The following ADAM22 variants were observed in gnomAD, a reference collection of about 807,000 sequenced individuals.
ADAM22 encodes the protein disintegrin and metalloproteinase domain-containing protein 22.
ADAM22 carries 65 observed loss-of-function variants against 144.6 expected under a neutral mutation model. The ratio of observed to expected loss-of-function variants is 0.45; its 90% confidence interval spans 0.37 to 0.55. The LOEUF (loss-of-function observed/expected upper bound fraction) is 0.55, where lower values mean the gene tolerates loss of function less well. Ranked by LOEUF, ADAM22 falls within the 20% of genes least tolerant of loss-of-function variation. The pLI is 0.00. For synonymous variants in ADAM22, 391 were observed against 412.6 expected (o/e 0.95, Z 0.63); for missense variants, 974 against 1,184.9 (o/e 0.82, Z 2.61).
At chr7:88,080,596 G>A (rs1203975106) in intron 4 of ADAM22, among the ~76,000 whole-genome samples, 8 of 151,912 alleles carry the variant, frequency 5.3e-5, no homozygotes, top group Non-Finnish European at 7.4e-5. Context: ...TTGATAGACC[G>A]TTAGCAAGAC....
chr7:87,991,579 G>A (rs536653632), intron 3 of ADAM22, among the ~76,000 whole-genome samples: 66 of 150,764 alleles, frequency 4.4e-4, no homozygotes, highest in Non-Finnish European at 6.8e-4. Flanking sequence ...TGTTAGCCAG[G>A]ATGGTCTCGA....
rs753484733 is a variant in ADAM22 at position 88,143,088 on chromosome 7, G to A, written c.1283G>A (p.Ser428Asn). The A allele has an allele frequency of 6.2e-7, 1 of 1,612,586 alleles. No individual in the cohort carries two copies. Among genetic ancestry groups the A allele is most frequent in the African/African-American group, 1.3e-5 (1 of 74,860 alleles). ...GAAGAGTATCATGACTTCCTGAATA[G>A]TGGAGGTGGTGCCTGCCTTTTCAAC... The part of the protein sequence containing the change: ...NIEEYHDFLN[S>N]GGGACLFNKP... Residue 428 changes from serine to asparagine, a missense_variant, in exon 15 of 32, where the codon AGT becomes AAT. This residue lies in a region of ADAM22 where 734 missense variants were observed against 950.6 expected (regional missense o/e 0.77). Coordinates refer to ENST00000413139, the MANE Select transcript of ADAM22 (RefSeq NM_001324418.2).
Position 88,132,956 on chromosome 7 carries a change from G to A in ADAM22, c.1077+5G>A. ...AAAGGAGGAGGCGTGAATGAAGTAG[G>A]TGTGAACATCTGTACAATACAAAGT... On this transcript the variant is annotated splice_donor_5th_base_variant and intron_variant, in intron 12 of 31. Coordinates refer to ENST00000413139, the MANE Select transcript of ADAM22 (RefSeq NM_001324418.2). 6.2e-7 allele frequency: 1 copy of A among 1,613,436 alleles called. No homozygotes were observed. Among genetic ancestry groups the A allele is most frequent in the Non-Finnish European group, 8.5e-7 (1 of 1,179,438 alleles).
intron 2 of ADAM22, among the ~76,000 whole-genome samples, chr7:87,943,095 G>T (rs1842789621): frequency 6.7e-6 from 1 of 149,898 alleles, no homozygotes; most frequent in Non-Finnish European, 1.5e-5. Flanking sequence ...AAAAAATAAG[G>T]ATTAGTATTT....
chr7:88,128,764 A>G (rs1831054958), intron 9 of ADAM22, 88 bp downstream of exon 9: 5 of 1,040,072 alleles, frequency 4.8e-6, no homozygotes, highest in South Asian at 4.3e-5. Context: ...CAAGAAGCCC[A>G]TCAAGTTGTA....
At chr7:88,113,099 G>A (rs1826481308) in intron 5 of ADAM22, among the ~76,000 whole-genome samples, 1 of 141,124 alleles carries the variant, frequency 7.1e-6, no homozygotes. Context: ...AGTTCTTTCT[G>A]CATCCCCCCT....
In ADAM22 at chr7:88,053,577, AAGG is replaced by A. The variant is rs1419520667; in HGVS notation, c.324-22047_324-22045del. Among the ~76,000 whole-genome samples, 145 of 112,482 alleles carry A rather than the reference AAGG, an allele frequency of 1.3e-3. 1 individual carries two copies. The highest frequency in any genetic ancestry group is 5.2e-3 in the African/African-American group (141 of 27,376). The allele number at this position is 112,482 out of a possible 152,430, so 73.8% of individuals were successfully genotyped here. On this transcript the variant is annotated intron_variant, in intron 3 of 31. Coordinates refer to ENST00000413139, the MANE Select transcript of ADAM22 (RefSeq NM_001324418.2). ...GAAAGAAAGAAAGAAGGAAGGAGGAAAGGAAGGAAGGAAGGAAAGAAAGAAAGA... is the reference window on the plus strand; with the variant it reads ...GAAAGAAAGAAAGAAGGAAGGAGGAAAAGGAAGGAAGGAAAGAAAGAAAGA...
At chr7:88,101,337 AG>A (rs565702714) in intron 4 of ADAM22, among the ~76,000 whole-genome samples, 21 of 152,170 alleles carry the variant, frequency 1.4e-4, no homozygotes, top group Admixed American at 1.2e-3. Context: ...GTGCCCATGG[AG>A]GGGGAGAAGG....
chr7:87,974,328 T>G (rs1322181951), intron 2 of ADAM22, among the ~76,000 whole-genome samples: 21 of 145,334 alleles, frequency 1.4e-4, no homozygotes, highest in Admixed American at 2.0e-4. Context: ...AGAAAAAAAA[T>G]AAAAGAAAAG....
intron 10 of ADAM22, 37 bp from the exon 11 acceptor site, chr7:88,131,232 A>C: frequency 6.4e-7 from 1 of 1,570,588 alleles, no homozygotes; most frequent in South Asian, 1.1e-5. Flanking sequence ...ATTTTACCAC[A>C]TGTACAGCTG....
At chr7:88,051,214 G>A (rs1430122030) in intron 3 of ADAM22, among the ~76,000 whole-genome samples, 2 of 152,098 alleles carry the variant, frequency 1.3e-5, no homozygotes, top group South Asian at 4.1e-4. Flanking sequence ...TATACCCAAA[G>A]GATTATAAAT....
At chr7:87,997,076 G>A (rs1313820515) in intron 3 of ADAM22, among the ~76,000 whole-genome samples, 1 of 152,182 alleles carries the variant, frequency 6.6e-6, no homozygotes, top group East Asian at 1.9e-4. Flanking sequence ...AAAACTTTAG[G>A]ACTGAAAGGG....
chr7:88,002,997 A>ATTCT (rs1352046150), intron 3 of ADAM22, among the ~76,000 whole-genome samples: 1 of 152,264 alleles, frequency 6.6e-6, no homozygotes, highest in African/African-American at 2.4e-5. Flanking sequence ...TATTGTCAGA[A>ATTCT]AAGTAGCTAC....
chr7:88,053,636 G>GAAAGA (rs1563114635), intron 3 of ADAM22, among the ~76,000 whole-genome samples: 4 of 139,508 alleles, frequency 2.9e-5, no homozygotes. Context: ...AAGAAAGAAA[G>GAAAGA]AAAGAAAGAA....
chr7:87,979,398 G>A (rs1852741992), intron 3 of ADAM22, among the ~76,000 whole-genome samples: 1 of 152,086 alleles, frequency 6.6e-6, no homozygotes, highest in South Asian at 2.1e-4. Context: ...AGTTGCATTA[G>A]CCACATTTTA....
At chr7:88,072,003 T>C (rs1812964940) in intron 3 of ADAM22, among the ~76,000 whole-genome samples, 1 of 152,210 alleles carries the variant, frequency 6.6e-6, no homozygotes. Flanking sequence ...TTCAGGAAGC[T>C]TCAAGAAAAT....
At chr7:87,934,944 C>A in intron 1 of ADAM22, 82 bp from the exon 2 acceptor site, 1 of 1,582,350 alleles carries the variant, frequency 6.3e-7, no homozygotes, top group Non-Finnish European at 8.7e-7. Flanking sequence ...AGACGTAGGA[C>A]TGCAGGATGG....
intron 2 of ADAM22, among the ~76,000 whole-genome samples, chr7:87,977,456 C>T (rs1438881893): frequency 6.6e-6 from 1 of 152,152 alleles, no homozygotes; most frequent in Non-Finnish European, 1.5e-5. Context: ...TCACGTTTCT[C>T]ATTTTAGTGA....
chr7:88,130,006 C>T (rs1381421452), intron 9 of ADAM22, among the ~76,000 whole-genome samples: 2 of 152,074 alleles, frequency 1.3e-5, no homozygotes, highest in Non-Finnish European at 2.9e-5. Flanking sequence ...TGTTCACATC[C>T]ACTTTACTGT....
Sources: gnomAD v4.1 joint callset for allele counts (sites outside exome capture counted in the v4.1 genomes callset) on GRCh38, gnomAD v4.1.1 for gene constraint, gnomAD v4.1.1 regional missense constraint, MANE v1.5 for transcripts, NCBI Gene and HGNC (gene_info 2026-07-23, HGNC 2026-07-21) for gene names.